PLXNA4: variants seen among roughly 807,000 people sequenced by gnomAD.
The protein encoded by PLXNA4 is plexin-A4.
PLXNA4 carries 44 observed loss-of-function variants against 191.8 expected under a neutral mutation model. The ratio of observed to expected loss-of-function variants is 0.23; its 90% confidence interval spans 0.18 to 0.29. The LOEUF (loss-of-function observed/expected upper bound fraction) is 0.29. Among genes scored for constraint, PLXNA4 ranks in the 10% least tolerant of loss-of-function variants. The pLI is 1.00. For missense variants in PLXNA4, 1,800 were observed against 2,488.8 expected, an observed-to-expected ratio of 0.72 and a Z score of 5.89; for synonymous variants, 1,082 against 1,009.5, an observed-to-expected ratio of 1.07 and a Z score of -1.36.
At chr7:132,350,175 G>C (rs1043838598) in intron 3 of PLXNA4, among the ~76,000 whole-genome samples, 1 of 152,150 alleles carries the variant, frequency 6.6e-6, no homozygotes, top group Admixed American at 6.6e-5. Flanking sequence ...CAAGTTAATT[G>C]TTTATTAACT....
In PLXNA4 at chr7:132,562,450, C is replaced by G. The variant is rs1801234818; in HGVS notation, c.-87+13972G>C. On this transcript the variant is annotated intron_variant, in intron 1 of 31. Coordinates refer to ENST00000321063, the MANE Select transcript of PLXNA4 (RefSeq NM_020911.2). ...ACTCCTTTTCCTCTTCATCCTCCTC[C>G]TCCTTCTCCTCCTCCTCCTTTCTCC... is the stretch of plus-strand genomic sequence containing the variant. Among the ~76,000 whole-genome samples the G allele has an allele frequency of 2.0e-5, 2 of 99,936 alleles. 1 individual carries two copies. 65.6% of individuals were successfully genotyped at this position (99,936 alleles called of 152,430 possible).
At chr7:132,574,680 G>A (rs780141551) in intron 1 of PLXNA4, among the ~76,000 whole-genome samples, 11 of 152,180 alleles carry the variant, frequency 7.2e-5, no homozygotes, top group Non-Finnish European at 1.5e-4. Flanking sequence ...ATCAATCAAA[G>A]GGCAGCTCAC....
rs751241616 is a variant in PLXNA4, at chr7:132,198,653, A to G, written c.2587-17T>C. Reference sequence around the variant, plus strand: ...CGGGATTATCTGGAGGGAGGAAGAGAAATAATTAGACAAACACCAAGATAC... The same window carrying G: ...CGGGATTATCTGGAGGGAGGAAGAGGAATAATTAGACAAACACCAAGATAC... On this transcript the variant is annotated splice_polypyrimidine_tract_variant and intron_variant, in intron 12 of 31. Coordinates refer to ENST00000321063, the MANE Select transcript of PLXNA4 (RefSeq NM_020911.2). The G allele has an allele frequency of 6.2e-7, 1 of 1,613,414 alleles. No individual in the cohort carries two copies. The highest frequency in any genetic ancestry group is 1.1e-5 in the South Asian group (1 of 91,000).
At chr7:132,362,555 G>A (rs1229540732) in intron 3 of PLXNA4, among the ~76,000 whole-genome samples, 2 of 152,206 alleles carry the variant, frequency 1.3e-5, no homozygotes, top group East Asian at 3.9e-4. Context: ...TTCCTATAGT[G>A]CTGTGTTAAG....
chr7:132,324,070 A>G (rs993152902), intron 3 of PLXNA4, among the ~76,000 whole-genome samples: 4 of 152,184 alleles, frequency 2.6e-5, no homozygotes, highest in Non-Finnish European at 4.4e-5. Context: ...TATCCTATTT[A>G]CAAAAATTAG....
chr7:132,318,979 CA>C (rs1288145515), intron 3 of PLXNA4, among the ~76,000 whole-genome samples: 2 of 152,138 alleles, frequency 1.3e-5, no homozygotes, highest in East Asian at 3.9e-4. Flanking sequence ...CCTGGCCCCG[CA>C]GCGCTTGTCA....
At chr7:132,605,993 G>A (rs547096105) in intron 2 of PLXNA4, among the ~76,000 whole-genome samples, 4 of 152,152 alleles carry the variant, frequency 2.6e-5, no homozygotes, top group Admixed American at 6.5e-5. Flanking sequence ...GTGAAACCCC[G>A]CCTCTACTAA....
At chr7:132,477,488 G>A (rs1797176646) in intron 3 of PLXNA4, among the ~76,000 whole-genome samples, 2 of 152,192 alleles carry the variant, frequency 1.3e-5, no homozygotes, top group African/African-American at 4.8e-5. Context: ...CCAGCCCAGG[G>A]TGCACATGAA....
At chr7:132,572,292 GGTT>G (rs139863899) in intron 1 of PLXNA4, among the ~76,000 whole-genome samples, 2,903 of 152,262 alleles carry the variant, frequency 0.019, 81 homozygotes, top group African/African-American at 0.065. Context: ...AGCCTATCTG[GGTT>G]GTTATGAGGC....
chr7:132,282,364 C>T (rs1423760176), intron 4 of PLXNA4, among the ~76,000 whole-genome samples: 3 of 151,702 alleles, frequency 2.0e-5, no homozygotes, highest in Non-Finnish European at 2.9e-5. Context: ...CTTGAGCTCA[C>T]GAGTTTGAGA....
chr7:132,585,263 C>T (rs572125090), intron 2 of PLXNA4, among the ~76,000 whole-genome samples: 15 of 152,116 alleles, frequency 9.9e-5, no homozygotes, highest in Non-Finnish European at 2.1e-4. Flanking sequence ...AGTCAGTAAA[C>T]TCATGGAAAC....
At chr7:132,598,082 G>A (rs1802750293) in intron 2 of PLXNA4, among the ~76,000 whole-genome samples, 1 of 152,084 alleles carries the variant, frequency 6.6e-6, no homozygotes, top group South Asian at 2.1e-4. Flanking sequence ...TTGCCCTTCA[G>A]AATGTCTACG....
chr7:132,383,424 G>T, intron 3 of PLXNA4: 1 of 420,118 alleles, frequency 2.4e-6, no homozygotes, highest in Non-Finnish European at 3.2e-6. Flanking sequence ...AAGAAAAAAT[G>T]TAAATAAATA....
intron 3 of PLXNA4, among the ~76,000 whole-genome samples, chr7:132,477,466 G>T (rs1208075660): frequency 6.6e-6 from 1 of 152,198 alleles, no homozygotes; most frequent in African/African-American, 2.4e-5. Context: ...ATAACATGGA[G>T]CAGGGCTGCA....
In PLXNA4 at chr7:132,146,462, C is replaced by G. The variant is rs766529680; in HGVS notation, c.5055+48G>C. The G allele has an allele frequency of 2.4e-5, 38 of 1,613,968 alleles. No homozygotes were observed. The East Asian group carries it at 8.0e-4, about 34-fold the overall frequency. ...GCATTTCTGTGGGCTGATGAAGTCC[C>G]TCTCCATAGCCTCTGGGCTCCCTGC... On this transcript the variant is annotated intron_variant, in intron 28 of 31. Transcript: ENST00000321063.
At chr7:132,278,971 G>A (rs1247043180) in intron 4 of PLXNA4, among the ~76,000 whole-genome samples, 1 of 152,188 alleles carries the variant, frequency 6.6e-6, no homozygotes, top group Non-Finnish European at 1.5e-5. Flanking sequence ...ATCGTGACTC[G>A]GCTGGCTCTG....
chr7:132,164,387 G>A (rs1796038276), intron 23 of PLXNA4, 99 bp from the exon 24 acceptor site: 6 of 1,509,700 alleles, frequency 4.0e-6, no homozygotes, highest in Non-Finnish European at 5.3e-6. Context: ...CCCCTGCCAA[G>A]TCCCTGCACC....
chr7:132,405,177 C>A (rs1379207288), intron 3 of PLXNA4, among the ~76,000 whole-genome samples: 2 of 152,016 alleles, frequency 1.3e-5, no homozygotes, highest in African/African-American at 4.8e-5. Context: ...AAGCAGTTTG[C>A]TGAAACATGG....
At chr7:132,473,923 CAAG>C (rs926460308) in intron 3 of PLXNA4, among the ~76,000 whole-genome samples, 5 of 152,072 alleles carry the variant, frequency 3.3e-5, no homozygotes, top group African/African-American at 1.2e-4. Flanking sequence ...CTCTCCCACC[CAAG>C]ACAGCATGAA....
Sources: allele counts gnomAD v4.1 joint callset (sites outside exome capture counted in the v4.1 genomes callset), GRCh38; gene constraint gnomAD v4.1.1; transcripts MANE v1.5; gene names NCBI Gene and HGNC (gene_info 2026-07-23, HGNC 2026-07-21).